The following DNAJC6 variants were observed in gnomAD, a reference collection of about 807,000 sequenced individuals.
DNAJC6 encodes the protein auxilin.
A neutral mutation model predicts 110.0 loss-of-function variants in DNAJC6; 34 were observed. That is an observed-to-expected ratio of 0.31 (90% CI 0.24 to 0.41). DNAJC6 has a LOEUF of 0.41. DNAJC6 is among the 10% of genes least tolerant of loss of function. The pLI is 1.00. For synonymous variants in DNAJC6, 406 were observed against 437.2 expected (o/e 0.93, Z 0.89); for missense variants, 1,031 against 1,207.8 (o/e 0.85, Z 2.17).
At chr1:65,295,055 G>A (rs867944036) in intron 1 of DNAJC6, among the ~76,000 whole-genome samples, 1 of 152,136 alleles carries the variant, frequency 6.6e-6, no homozygotes, top group Admixed American at 6.6e-5. Flanking sequence ...ATTATGTGAG[G>A]AAATCATAAT....
At chr1:65,351,478 A>G (rs7526692) in intron 1 of DNAJC6, among the ~76,000 whole-genome samples, 109,955 of 152,122 alleles carry the variant, frequency 0.72, 41,170 homozygotes, top group African/African-American at 0.93. Context: ...AAGTAGCCCC[A>G]GCTTTCTGAG....
chr1:65,412,430 AT>A (rs1294628417), intron 18 of DNAJC6, among the ~76,000 whole-genome samples: 1 of 152,184 alleles, frequency 6.6e-6, no homozygotes, highest in African/African-American at 2.4e-5. Context: ...ATCTCTCCAC[AT>A]TTTTTTGTAC....
intron 11 of DNAJC6, among the ~76,000 whole-genome samples, chr1:65,391,183 A>G (rs963347112): frequency 5.3e-5 from 8 of 152,200 alleles, no homozygotes; most frequent in Non-Finnish European, 8.8e-5. Context: ...CATATAAACA[A>G]TAGCCCTAAG....
intron 4 of DNAJC6, among the ~76,000 whole-genome samples, chr1:65,376,560 A>G (rs1645768293): frequency 6.6e-6 from 1 of 151,604 alleles, no homozygotes; most frequent in Non-Finnish European, 1.5e-5. Context: ...CTTTTGCTGT[A>G]TCCCATATGT....
At chr1:65,354,220 T>C (rs1013450422) in intron 1 of DNAJC6, among the ~76,000 whole-genome samples, 3 of 152,082 alleles carry the variant, frequency 2.0e-5, no homozygotes, top group Admixed American at 6.6e-5. Context: ...GGTGGGAGAA[T>C]GGAGGCATGA....
At chr1:65,307,907 C>T (rs183850152), upstream of DNAJC6, among the ~76,000 whole-genome samples, 102 of 152,262 alleles carry the variant, frequency 6.7e-4, 1 homozygote, top group African/African-American at 2.2e-3. Context: ...TCAGGTCACA[C>T]CATACCTCAT....
intron 4 of DNAJC6, among the ~76,000 whole-genome samples, chr1:65,375,110 C>T (rs1645748133): frequency 6.6e-6 from 1 of 151,750 alleles, no homozygotes; most frequent in Admixed American, 6.6e-5. Context: ...ATTACAGGCA[C>T]CTACCACTAT....
At chr1:65,359,774 A>G (rs1645580779) in intron 1 of DNAJC6, among the ~76,000 whole-genome samples, 1 of 152,222 alleles carries the variant, frequency 6.6e-6, no homozygotes. Flanking sequence ...GTGGGCCGTA[A>G]GATCTGTGGC....
At chr1:65,268,695 T>C (rs1653413827) in intron 1 of DNAJC6, among the ~76,000 whole-genome samples, 1 of 152,148 alleles carries the variant, frequency 6.6e-6, no homozygotes, top group Non-Finnish European at 1.5e-5. Context: ...AAAATTACAG[T>C]TTTTAATAAA....
At chr1:65,276,235 A>G (rs1432669148) in intron 1 of DNAJC6, among the ~76,000 whole-genome samples, 1 of 152,170 alleles carries the variant, frequency 6.6e-6, no homozygotes, top group African/African-American at 2.4e-5. Context: ...TGTTTTCTCA[A>G]ATACATACAT....
chr1:65,375,962 A>T (rs1456891057), intron 4 of DNAJC6, among the ~76,000 whole-genome samples: 3 of 152,200 alleles, frequency 2.0e-5, no homozygotes, highest in Non-Finnish European at 4.4e-5. Flanking sequence ...GAGTAGGATT[A>T]ATATTCATTC....
At chr1:65,306,157 C>T (rs1001695930), upstream of DNAJC6, among the ~76,000 whole-genome samples, 19 of 150,616 alleles carry the variant, frequency 1.3e-4, no homozygotes, top group African/African-American at 3.9e-4. Context: ...AAGCGATTCT[C>T]CTGCCTCAGC....
chr1:65,300,940 T>G (rs1034039099), intron 1 of DNAJC6, among the ~76,000 whole-genome samples: 1 of 152,140 alleles, frequency 6.6e-6, no homozygotes, highest in African/African-American at 2.4e-5. Context: ...GGTTGCAAAA[T>G]GAAGCATCCA....
chr1:65,314,331 G>A (rs939730705), intron 1 of DNAJC6, among the ~76,000 whole-genome samples: 1 of 152,086 alleles, frequency 6.6e-6, no homozygotes, highest in East Asian at 1.9e-4. Context: ...TCCACATTTT[G>A]AACCAGGTTT....
rs988878982 is a variant in DNAJC6 at position 65,408,633 on chromosome 1, T to C, written c.2492-8T>C. The C allele has an allele frequency of 1.2e-6, 2 of 1,600,756 alleles. No individual in the cohort carries two copies. Among genetic ancestry groups the C allele is most frequent in the African/African-American group, 1.4e-5 (1 of 73,496 alleles). ...AAACTGTAATGATTTTCAAAAATTA[T>C]ATTGCAGAAGGGAAACAAAAAGCAG... On this transcript the variant is annotated splice_polypyrimidine_tract_variant and splice_region_variant and intron_variant, in intron 16 of 18. Coordinates refer to ENST00000371069, the MANE Select transcript of DNAJC6 (RefSeq NM_001256864.2).
intron 7 of DNAJC6, 109 bp from the exon 8 acceptor site, chr1:65,386,703 C>A: frequency 2.2e-6 from 2 of 924,048 alleles, no homozygotes; most frequent in Non-Finnish European, 3.4e-6. Flanking sequence ...TGGGTCCGGG[C>A]CTGGGCGAAC....
At chr1:65,331,294 G>C (rs1328226815) in intron 1 of DNAJC6, among the ~76,000 whole-genome samples, 1 of 152,154 alleles carries the variant, frequency 6.6e-6, no homozygotes, top group Admixed American at 6.5e-5. Flanking sequence ...GAAATTCTCA[G>C]GATTCTGTGA....
chr1:65,318,667 C>T (rs1645169636), intron 1 of DNAJC6, among the ~76,000 whole-genome samples: 1 of 152,168 alleles, frequency 6.6e-6, no homozygotes, highest in Admixed American at 6.5e-5. Context: ...CACATGGACA[C>T]ATGGCAGGGA....
chr1:65,301,839 A>G (rs949115693), intron 1 of DNAJC6, among the ~76,000 whole-genome samples: 2 of 151,938 alleles, frequency 1.3e-5, no homozygotes, highest in African/African-American at 4.8e-5. Flanking sequence ...AGGCCTGTTT[A>G]GACTCTGTTT....
Sources: allele counts gnomAD v4.1 joint callset (sites outside exome capture counted in the v4.1 genomes callset), GRCh38; gene constraint gnomAD v4.1.1; transcripts MANE v1.5; gene names NCBI Gene and HGNC (gene_info 2026-07-23, HGNC 2026-07-21).